TMEM120A: variants seen among roughly 807,000 people sequenced by gnomAD.
TMEM120A encodes ion channel TACAN.
TMEM120A carries 45 observed loss-of-function variants against 54.3 expected under a neutral mutation model. That is an observed-to-expected ratio of 0.83 (90% CI 0.65 to 1.06). TMEM120A has a LOEUF of 1.06. Ranked by LOEUF, TMEM120A falls within the 50% of genes least tolerant of loss-of-function variation. The pLI is 0.00. For missense variants in TMEM120A, 424 were observed against 441.7 expected, an observed-to-expected ratio of 0.96 and a Z score of 0.36; for synonymous variants, 204 against 178.5, an observed-to-expected ratio of 1.14 and a Z score of -1.14.
rs1422107927 is a variant in TMEM120A at position 75,987,571 on chromosome 7, G to A, written c.816C>T (p.Leu272=). Residue 272 remains leucine, a synonymous_variant, in exon 10 of 12, where the codon CTC becomes CTT. Transcript: ENST00000493111. ...EGFQSWMWRG[L]TFLLPFLFFG... ...AGAAAAGAAAAGGCAGCAGGAAGGT[G>A]AGGCCCCGCCACATCCAGGACTGGA... The A allele has an allele frequency of 1.2e-6, 2 of 1,600,406 alleles. No homozygotes were observed. Among genetic ancestry groups the A allele is most frequent in the East Asian group, 2.3e-5 (1 of 44,242 alleles).
rs782666865 is a variant in TMEM120A, at chr7:75,988,426, G to A, written c.468C>T (p.Asn156=). 1.9e-6 allele frequency: 3 copies of A among 1,611,540 alleles called. No homozygotes were observed. The highest frequency in any genetic ancestry group is 2.7e-5 in the African/African-American group (2 of 74,662). ...GGCCGGGGTGGGACGCCCACCTGGA[G>A]TTGAGCAGGAAGCGGCAAGTGAAGG... ...LISFTCRFLL[N]SRVTDAAFNF... Residue 156 remains asparagine, a synonymous_variant, in exon 5 of 12, where the codon AAC becomes AAT. Coordinates refer to ENST00000493111, the MANE Select transcript of TMEM120A (RefSeq NM_031925.3).
chr7:75,994,462 G>A (rs1226103201), intron 1 of TMEM120A, 28 bp downstream of exon 1: 5 of 1,547,976 alleles, frequency 3.2e-6, no homozygotes, highest in Non-Finnish European at 4.4e-6. Context: ...CGGCTCGGGG[G>A]CGACCCGGCG....
At chr7:75,991,669 G>T (rs1271826740) in intron 3 of TMEM120A, among the ~76,000 whole-genome samples, 1 of 152,130 alleles carries the variant, frequency 6.6e-6, no homozygotes, top group African/African-American at 2.4e-5. Flanking sequence ...CCAAAAAAGT[G>T]CTGGGATTAC....
intron 3 of TMEM120A, 53 bp from the exon 4 acceptor site, chr7:75,989,277 C>T (rs187197181): frequency 1.4e-5 from 17 of 1,212,838 alleles, no homozygotes; most frequent in South Asian, 6.4e-5. Context: ...GACAAGCCAC[C>T]GGTACTCAGC....
chr7:75,991,039 C>T (rs1789826447), intron 3 of TMEM120A, among the ~76,000 whole-genome samples: 1 of 152,156 alleles, frequency 6.6e-6, no homozygotes, highest in Admixed American at 6.5e-5. Flanking sequence ...AGCGCATCCC[C>T]TTCCTTATCA....
Position 75,987,219 on chromosome 7 carries a change from C to T in TMEM120A, c.985G>A (p.Val329Met), listed in dbSNP as rs557061939. Residue 329 changes from valine to methionine, a missense_variant, in exon 12 of 12, where the codon GTG becomes ATG. By Grantham distance (21) the Val-to-Met change is conservative. Coordinates refer to ENST00000493111, the MANE Select transcript of TMEM120A (RefSeq NM_031925.3). ...LGNFFTTLRV[V>M]HHKFHSQRHG... ...CGCTGACTGTGAAACTTGTGGTGCACAACCCTCAGGGTGGTGAAGAAATTG... is the reference window on the plus strand; with the variant it reads ...CGCTGACTGTGAAACTTGTGGTGCATAACCCTCAGGGTGGTGAAGAAATTG... 4 of 1,609,082 alleles carry T rather than the reference C, an allele frequency of 2.5e-6. No homozygotes were observed. The South Asian group carries it at 3.3e-5, about 13-fold the overall frequency.
chr7:75,994,416 G>A, intron 1 of TMEM120A, 74 bp downstream of exon 1: 1 of 1,394,434 alleles, frequency 7.2e-7, no homozygotes, highest in East Asian at 2.5e-5. Flanking sequence ...GCCTGACCCA[G>A]GGCTGCCCGA....
intron 1 of TMEM120A, 33 bp from the exon 2 acceptor site, chr7:75,992,590 T>TG (rs1274063737): frequency 6.7e-7 from 1 of 1,501,312 alleles, no homozygotes. Context: ...TCAGGCCAGT[T>TG]GGGGAGCTAC....
intron 3 of TMEM120A, among the ~76,000 whole-genome samples, chr7:75,991,900 G>T (rs782245933): frequency 7.2e-5 from 11 of 152,126 alleles, no homozygotes; most frequent in African/African-American, 1.7e-4. Flanking sequence ...GAAGCCTTCT[G>T]CGACCTCCTG....
rs527522913 is a variant in TMEM120A at position 75,987,196 on chromosome 7, C to A, written c.1008G>T (p.Gln336His). 4 of 1,606,070 alleles carry A rather than the reference C, an allele frequency of 2.5e-6. No individual in the cohort carries two copies. Among genetic ancestry groups the A allele is most frequent in the Non-Finnish European group, 3.4e-6 (4 of 1,177,004 alleles). The change falls in exon 12 of 12, where the codon CAG becomes CAT. Residue 336 changes from glutamine (Q) to histidine (H), a missense_variant. Coordinates refer to ENST00000493111, the MANE Select transcript of TMEM120A (RefSeq NM_031925.3). ...LRVVHHKFHSQRHGSKKD is the reference protein window; with the variant it reads ...LRVVHHKFHSHRHGSKKD ...CTCAATCCTTCTTGCTCCCGTGCCG[C>A]TGACTGTGAAACTTGTGGTGCACAA...
At chr7:75,991,232 C>T (rs1484088165) in intron 3 of TMEM120A, among the ~76,000 whole-genome samples, 1 of 152,144 alleles carries the variant, frequency 6.6e-6, no homozygotes, top group African/African-American at 2.4e-5. Context: ...CATTCCACCG[C>T]CCCCGCCCGC....
At chr7:75,989,586 C>A (rs986168632) in intron 3 of TMEM120A, among the ~76,000 whole-genome samples, 4 of 151,788 alleles carry the variant, frequency 2.6e-5, no homozygotes, top group Non-Finnish European at 5.9e-5. Flanking sequence ...CACCACCTAC[C>A]CCCCAGCTCC....
intron 1 of TMEM120A, 83 bp from the exon 2 acceptor site, chr7:75,992,640 C>A: frequency 9.9e-7 from 1 of 1,012,066 alleles, no homozygotes; most frequent in South Asian, 1.5e-5. Flanking sequence ...GCTCAGGCTC[C>A]CCCAGGGCTG....
At chr7:75,991,546 C>T (rs946013449) in intron 3 of TMEM120A, among the ~76,000 whole-genome samples, 1 of 152,164 alleles carries the variant, frequency 6.6e-6, no homozygotes, top group African/African-American at 2.4e-5. Flanking sequence ...GCTGGGATTA[C>T]AGGTGCATGC....
chr7:75,988,196 G>T, intron 6 of TMEM120A, 48 bp from the exon 7 acceptor site: 2 of 1,611,430 alleles, frequency 1.2e-6, no homozygotes, highest in Non-Finnish European at 1.7e-6. Flanking sequence ...CCTGCTTCCC[G>T]GAGGGTCCTG....
At chr7:75,988,207 G>A (rs781974824) in intron 6 of TMEM120A, 45 bp downstream of exon 6, 12 of 1,611,634 alleles carry the variant, frequency 7.4e-6, no homozygotes, top group Non-Finnish European at 1.0e-5. Flanking sequence ...GAGGGTCCTG[G>A]CACCCCATTC....
At chr7:75,991,983 ACT>A (rs1461030491) in intron 3 of TMEM120A, among the ~76,000 whole-genome samples, 159 bp downstream of exon 3, 2 of 151,764 alleles carry the variant, frequency 1.3e-5, no homozygotes, top group African/African-American at 4.8e-5. Context: ...GTGAAATGTC[ACT>A]CTCAGCCAGG....
Position 75,987,963 on chromosome 7 carries a change from C to T in TMEM120A, c.651G>A (p.Gln217=), listed in dbSNP as rs1554560418. Residue 217 remains glutamine (Q), a synonymous_variant, in exon 8 of 12, where the codon CAG becomes CAA. Transcript: ENST00000493111. ...AGGAGAGGAATTGGTTCCGGAATTT[C>T]TGGTACATGAGACCGTCGGGCCTAA... The part of the protein sequence containing the change: ...MLTWPDGLMY[Q]KFRNQFLSFS... 6.2e-7 allele frequency: 1 copy of T among 1,602,928 alleles called. No individual in the cohort carries two copies. The highest frequency in any genetic ancestry group is 8.5e-7 in the Non-Finnish European group (1 of 1,175,288).
chr7:75,987,120 C>CCACAA lies in TMEM120A; in HGVS notation c.*47_*51dup, dbSNP rs781971508. The CCACAA allele has an allele frequency of 6.1e-6, 9 of 1,483,402 alleles. No homozygotes were observed. In the Admixed American group the frequency reaches 1.4e-4, roughly 22 times the overall value. The allele number at this position is 1,483,402 out of a possible 1,614,324, so 91.9% of individuals were successfully genotyped here. ...CTCGAGGGGCGCCTCCCATCCCCTC[C>CCACAA]CACAACACACAGGACAGAAGCCCCT... is the stretch of plus-strand genomic sequence containing the variant. On this transcript the variant is annotated 3_prime_UTR_variant, in exon 12 of 12. Coordinates refer to ENST00000493111, the MANE Select transcript of TMEM120A (RefSeq NM_031925.3).
Sources: gnomAD v4.1 joint callset for allele counts (sites outside exome capture counted in the v4.1 genomes callset) on GRCh38, gnomAD v4.1.1 for gene constraint, MANE v1.5 for transcripts, NCBI Gene and HGNC (gene_info 2026-07-23, HGNC 2026-07-21) for gene names.